Variants in NUDT19 observed in about 807,000 individuals in gnomAD.
NUDT19 encodes acyl-coenzyme A diphosphatase NUDT19.
A neutral mutation model predicts 22.2 loss-of-function variants in NUDT19; 31 were observed. The observed-to-expected ratio is 1.40, with a 90% confidence interval of 1.05 to 1.89. The LOEUF (loss-of-function observed/expected upper bound fraction) is 1.89, where lower values mean the gene tolerates loss of function less well. Among genes scored for constraint, NUDT19 ranks in the 40% most tolerant of loss-of-function variants. The pLI, the probability that NUDT19 is intolerant of heterozygous loss-of-function variation, is 0.00. For synonymous variants in NUDT19, 325 were observed against 230.8 expected, an observed-to-expected ratio of 1.41 and a Z score of -3.70; for missense variants, 752 against 514.2, an observed-to-expected ratio of 1.46 and a Z score of -4.47.
intron 1 of NUDT19, 84 bp downstream of exon 1, chr19:32,692,758 C>A: frequency 1.9e-6 from 2 of 1,070,698 alleles, no homozygotes; most frequent in Non-Finnish European, 2.5e-6. Context: ...CCCAAGGGAC[C>A]CCCGCATAGG....
rs1568436329 is a variant in NUDT19 at position 32,713,504 on chromosome 19, C to G, written c.*1547C>G. ...AACACAAAGCCATAACAAAAACCAT[C>G]ATTGTTTGTATTCCACACTGTTAAT... On this transcript the variant is annotated 3_prime_UTR_variant, in exon 3 of 3. Coordinates refer to ENST00000397061, the MANE Select transcript of NUDT19 (RefSeq NM_001105570.2). 2 of 152,154 alleles carry G rather than the reference C, an allele frequency of 1.3e-5. No individual in the cohort carries two copies. Among genetic ancestry groups the G allele is most frequent in the African/African-American group, 4.8e-5 (2 of 41,446 alleles). The allele number at this position is 152,154 out of a possible 1,614,324, so 9.4% of individuals were successfully genotyped here.
intron 1 of NUDT19, among the ~76,000 whole-genome samples, chr19:32,697,719 C>G: frequency 6.6e-6 from 1 of 152,172 alleles, no homozygotes; most frequent in Non-Finnish European, 1.5e-5. Context: ...GCTAAAGCCA[C>G]ATTCTTTTCA....
intron 1 of NUDT19, among the ~76,000 whole-genome samples, chr19:32,695,105 A>G (rs550865662): frequency 6.6e-6 from 1 of 152,356 alleles, no homozygotes; most frequent in South Asian, 2.1e-4. Context: ...CCTTGTTTAC[A>G]CTGACAACAA....
At chr19:32,694,193 T>C (rs1050891798) in intron 1 of NUDT19, among the ~76,000 whole-genome samples, 1 of 152,204 alleles carries the variant, frequency 6.6e-6, no homozygotes, top group Non-Finnish European at 1.5e-5. Flanking sequence ...GGAGAAGCCA[T>C]GTTGCCCAAC....
At chr19:32,700,028 G>T (rs746294171) in intron 1 of NUDT19, among the ~76,000 whole-genome samples, 1 of 152,204 alleles carries the variant, frequency 6.6e-6, no homozygotes, top group African/African-American at 2.4e-5. Flanking sequence ...AGACCTTCGC[G>T]GTGAGTGTTA....
rs750961770 is a variant in NUDT19, at chr19:32,692,625, G to A, written c.665G>A (p.Arg222His). The change falls in exon 1 of 3, where the codon CGC becomes CAC. Residue 222 changes from arginine to histidine, a missense_variant. Physicochemically the swap from Arg to His is conservative, Grantham distance 29. Transcript: ENST00000397061. ...ACGGCCTTCTTCCTGTGCTGCCTGC[G>A]CGAGCCGCCGCCCGTCTACCCCGAC... Reference protein sequence around the residue: ...FDTAFFLCCLREPPPVYPDLA... With the variant: ...FDTAFFLCCLHEPPPVYPDLA... 2 of 1,534,378 alleles carry A rather than the reference G, an allele frequency of 1.3e-6. No homozygotes were observed. Among genetic ancestry groups the A allele is most frequent in the Admixed American group, 2.0e-5 (1 of 48,808 alleles).
chr19:32,711,715 G>A lies in NUDT19; in HGVS notation c.923-37G>A, dbSNP rs774881137. 4 of 1,220,412 alleles carry A rather than the reference G, an allele frequency of 3.3e-6. 1 individual carries two copies. In the South Asian group the frequency reaches 5.3e-5, roughly 16 times the overall value. 75.6% of individuals were successfully genotyped at this position (1,220,412 alleles called of 1,614,324 possible). The stretch of plus-strand genomic sequence containing the variant: ...TTCTGCCATGGTGAAAAATAATTTT[G>A]TATTTAAAAATAAAATCAGATTTTT... On this transcript the variant is annotated intron_variant, in intron 2 of 2. Coordinates refer to ENST00000397061, the MANE Select transcript of NUDT19 (RefSeq NM_001105570.2).
chr19:32,704,412 C>T (rs1033663517), intron 1 of NUDT19, among the ~76,000 whole-genome samples: 4 of 152,140 alleles, frequency 2.6e-5, no homozygotes, highest in Non-Finnish European at 5.9e-5. Context: ...CAGGCGCATG[C>T]CACCATGCCC....
At chr19:32,701,039 C>CAA (rs775427205) in intron 1 of NUDT19, among the ~76,000 whole-genome samples, 5 of 131,256 alleles carry the variant, frequency 3.8e-5, no homozygotes, top group African/African-American at 8.3e-5. Context: ...GGCCCTTTCT[C>CAA]AAAAAAAAAA....
At position 32,692,516 on chromosome 19, in the gene NUDT19, G is replaced by C. The variant is rs774331211; in HGVS notation, c.556G>C (p.Asp186His). The C allele has an allele frequency of 2.3e-5, 36 of 1,571,552 alleles. No homozygotes were observed. Among genetic ancestry groups the C allele is most frequent in the Non-Finnish European group, 2.8e-5 (32 of 1,162,644 alleles). Residue 186 changes from aspartate (D) to histidine (H), a missense_variant, in exon 1 of 3, where the codon GAC (aspartate) becomes CAC (histidine). By Grantham distance (81) the Asp-to-His change is moderately conservative. Transcript: ENST00000397061. ...RHFLRLCAHL[D>H]CTPDIWALHN... The stretch of plus-strand genomic sequence containing the variant: ...CTTCCTGCGGCTGTGCGCCCACCTC[G>C]ACTGCACACCCGACATCTGGGCGCT...
Position 32,712,981 on chromosome 19 carries a change from G to C in NUDT19, c.*1024G>C, listed in dbSNP as rs1188015096. On this transcript the variant is annotated 3_prime_UTR_variant, in exon 3 of 3. Coordinates refer to ENST00000397061, the MANE Select transcript of NUDT19 (RefSeq NM_001105570.2). ...GACTTTCTGCTGGAATTACTTTAAG[G>C]GTGTCTTATTAGATGATGAAAAGTT... The C allele has an allele frequency of 6.6e-6, 1 of 152,012 alleles. No individual in the cohort carries two copies. The highest frequency in any genetic ancestry group is 1.5e-5 in the Non-Finnish European group (1 of 68,014). 9.4% of individuals were successfully genotyped at this position (152,012 alleles called of 1,614,324 possible).
At chr19:32,694,398 A>G (rs571828300) in intron 1 of NUDT19, among the ~76,000 whole-genome samples, 1 of 152,332 alleles carries the variant, frequency 6.6e-6, no homozygotes, top group Non-Finnish European at 1.5e-5. Flanking sequence ...CACTGCTGCC[A>G]GAGTCTATTT....
chr19:32,692,586 C>T lies in NUDT19; in HGVS notation c.626C>T (p.Thr209Ile), dbSNP rs1968208494. The change falls in exon 1 of 3, where the codon ACT becomes ATT. Residue 209 changes from threonine (T) to isoleucine (I), a missense_variant. Physicochemically the swap from Thr to Ile is moderately conservative, Grantham distance 89. Transcript: ENST00000397061. ...AWLTPFLRGT[T>I]RRFDTAFFLC... ...CTCACCCCTTTCTTGCGGGGCACCACTCGCCGCTTTGACACGGCCTTCTTC... is the reference window on the plus strand; with the variant it reads ...CTCACCCCTTTCTTGCGGGGCACCATTCGCCGCTTTGACACGGCCTTCTTC... 1 of 1,587,440 alleles carries T rather than the reference C, an allele frequency of 6.3e-7. No individual in the cohort carries two copies. Among genetic ancestry groups the T allele is most frequent in the Non-Finnish European group, 8.5e-7 (1 of 1,170,406 alleles).
In NUDT19 at chr19:32,709,402, T is replaced by TC; in HGVS notation, c.922+10_922+11insC. On this transcript the variant is annotated intron_variant, in intron 2 of 2. Coordinates refer to ENST00000397061, the MANE Select transcript of NUDT19 (RefSeq NM_001105570.2). ...GTCCATCTTTTACCAGGTAAACCAG[T>TC]GAAGCATCGGTGCTTTTGTTAGTAT... 6.2e-7 allele frequency: 1 copy of TC among 1,611,472 alleles called. No homozygotes were observed. Among genetic ancestry groups the TC allele is most frequent in the Non-Finnish European group, 8.5e-7 (1 of 1,177,546 alleles).
At chr19:32,705,733 T>A (rs923301787) in intron 1 of NUDT19, among the ~76,000 whole-genome samples, 11 of 151,938 alleles carry the variant, frequency 7.2e-5, no homozygotes, top group African/African-American at 2.7e-4. Context: ...TGCAGGCACA[T>A]GCCACCATGC....
intron 1 of NUDT19, among the ~76,000 whole-genome samples, chr19:32,699,826 G>A (rs1408534071): frequency 6.6e-6 from 1 of 152,142 alleles, no homozygotes; most frequent in African/African-American, 2.4e-5. Flanking sequence ...TAAAGATGGT[G>A]TGTCTGGAGT....
At chr19:32,692,714 G>C (rs772361728) in intron 1 of NUDT19, 40 bp downstream of exon 1, 5 of 1,394,868 alleles carry the variant, frequency 3.6e-6, no homozygotes, top group Admixed American at 3.0e-5. Flanking sequence ...CCGCCAGGAC[G>C]TGAGAGGGAG....
rs1335935700 is a variant in NUDT19, at chr19:32,691,872, C to T, written c.-89C>T. On this transcript the variant is annotated 5_prime_UTR_variant, in exon 1 of 3. Transcript: ENST00000397061. ...AGGCTCGTCCTCAATTCCCGCGAGG[C>T]CCCCGGAGGTGCTGGGGTCCCTGCA... is the stretch of plus-strand genomic sequence containing the variant. The T allele has an allele frequency of 1.5e-6, 1 of 686,604 alleles. No individual in the cohort carries two copies. Among genetic ancestry groups the T allele is most frequent in the Non-Finnish European group, 2.0e-6 (1 of 502,982 alleles). 42.5% of individuals were successfully genotyped at this position (686,604 alleles called of 1,614,324 possible).
Position 32,692,415 on chromosome 19 carries a change from C to A in NUDT19, c.455C>A (p.Pro152His), listed in dbSNP as rs768839303. ...RPRTSPPGPAPGPGLALEPPP... is the reference protein window; with the variant it reads ...RPRTSPPGPAHGPGLALEPPP... ...AGGACTTCCCCACCAGGCCCAGCAC[C>A]CGGGCCTGGCCTCGCCCTGGAGCCA... The change falls in exon 1 of 3, where the codon CCC becomes CAC. Residue 152 changes from proline (P) to histidine (H), a missense_variant. Transcript: ENST00000397061. 6.4e-7 allele frequency: 1 copy of A among 1,558,582 alleles called. No homozygotes were observed. The highest frequency in any genetic ancestry group is 8.6e-7 in the Non-Finnish European group (1 of 1,159,824).
Sources: gnomAD v4.1 joint callset for allele counts (sites outside exome capture counted in the v4.1 genomes callset) on GRCh38, gnomAD v4.1.1 for gene constraint, MANE v1.5 for transcripts, NCBI Gene and HGNC (gene_info 2026-07-23, HGNC 2026-07-21) for gene names.